Variants in KBTBD4 observed in about 807,000 individuals in gnomAD.
KBTBD4 encodes the protein kelch repeat and BTB domain-containing protein 4.
In KBTBD4, 30 loss-of-function variants were observed where a neutral mutation model predicts 43.9. The observed-to-expected ratio is 0.68, with a 90% CI of 0.51 to 0.93. KBTBD4 has a LOEUF of 0.93. KBTBD4 is among the 40% of genes least tolerant of loss of function. The probability of loss-of-function intolerance (pLI) is 0.00; values close to 1 mark genes in which losing one functional copy is unlikely to be tolerated. For synonymous variants in KBTBD4, 258 were observed against 256.9 expected, an observed-to-expected ratio of 1.00 and a Z score of -0.04; for missense variants, 575 against 668.8, an observed-to-expected ratio of 0.86 and a Z score of 1.55.
Position 47,572,639 on chromosome 11 carries a change from C to T in KBTBD4, c.*291G>A. ...ACATTGATCAGGTAAAGAGGAGAGG[C>T]TGTGCCTAAGGTCTGAGAAAAGGCT... On this transcript the variant is annotated 3_prime_UTR_variant, in exon 4 of 4. Coordinates refer to ENST00000430070, the MANE Select transcript of KBTBD4 (RefSeq NM_018095.6). 7.0e-6 allele frequency: 3 copies of T among 429,708 alleles called. No homozygotes were observed. The highest frequency in any genetic ancestry group is 1.3e-5 in the Non-Finnish European group (3 of 239,086). 26.6% of individuals were successfully genotyped at this position (429,708 alleles called of 1,614,324 possible). A position where few individuals can be genotyped will look rare whatever the true frequency, so the allele number is the denominator to read the frequency against.
Position 47,573,654 on chromosome 11 carries a change from G to A in KBTBD4, c.881C>T (p.Thr294Ile), listed in dbSNP as rs1307178986. The A allele has an allele frequency of 1.2e-6, 2 of 1,613,626 alleles. No homozygotes were observed. Among genetic ancestry groups the A allele is most frequent in the Non-Finnish European group, 1.7e-6 (2 of 1,180,046 alleles). Residue 294 changes from threonine (T) to isoleucine (I), a missense_variant, in exon 4 of 4, where the codon ACT (threonine) becomes ATT (isoleucine). Transcript: ENST00000430070. This position sits in a 1 kb window ranked among gnomAD's most constrained non-coding sequence, Gnocchi z 4.1. ...GTCTCCACCATGCTTGCAGGCCGCA[G>A]TGATCTGGTGGCACAAACTGTTTTG... The part of the protein sequence containing the change: ...SGQNSLCHQI[T>I]AACKHGGDLY...
At chr11:47,575,428 A>C (rs2097257260) in intron 3 of KBTBD4, 165 bp downstream of exon 3, 208 of 465,384 alleles carry the variant, frequency 4.5e-4, no homozygotes, top group Middle Eastern at 1.9e-3. Flanking sequence ...AATGGTGTGA[A>C]CCCGGGAGGC....
Position 47,577,649 on chromosome 11 carries a change from T to A in KBTBD4, c.399A>T (p.Glu133Asp). 1 of 1,614,114 alleles carries A rather than the reference T, an allele frequency of 6.2e-7. No homozygotes were observed. The highest frequency in any genetic ancestry group is 8.5e-7 in the Non-Finnish European group (1 of 1,180,014). The change falls in exon 2 of 4, where the codon GAA (glutamate) becomes GAT (aspartate). Residue 133 changes from glutamate to aspartate, a missense_variant. Transcript: ENST00000430070. ...GATACATGTCTGACACCTCATAAAT[T>A]TCCTGCAACTCCTCAGCTCGAAGTT... is the stretch of plus-strand genomic sequence containing the variant. ...TVKLRAEELQ[E>D]IYEVSDMYQL... is the part of the protein sequence containing the mutation.
rs1042869509 is a variant in KBTBD4 at position 47,577,406 on chromosome 11, C to T, written c.637+5G>A. ...GGGTATGGTGTGTCCCCTCCCTAAA[C>T]TTACCCGAGATGATATCTGTGAGTA... On this transcript the variant is annotated splice_donor_5th_base_variant and intron_variant, in intron 2 of 3. Transcript: ENST00000430070. 2.5e-6 allele frequency: 4 copies of T among 1,594,482 alleles called. No homozygotes were observed. Among genetic ancestry groups the T allele is most frequent in the Admixed American group, 3.4e-5 (2 of 59,242 alleles).
At chr11:47,578,080 G>C in intron 1 of KBTBD4, 52 bp from the exon 2 acceptor site, 1 of 1,599,912 alleles carries the variant, frequency 6.3e-7, no homozygotes. Flanking sequence ...GCCATAGTCT[G>C]TGAATCCAAC....
chr11:47,574,928 G>C (rs532524653), intron 3 of KBTBD4, among the ~76,000 whole-genome samples: 1 of 152,028 alleles, frequency 6.6e-6, no homozygotes, highest in East Asian at 1.9e-4. Flanking sequence ...AAAGAGGCCA[G>C]GTTAGGCCAG....
At position 47,573,434 on chromosome 11, in the gene KBTBD4, A is replaced by G; in HGVS notation, c.1101T>C (p.Tyr367=). The change falls in exon 4 of 4, where the codon TAT becomes TAC. Residue 367 remains tyrosine, a synonymous_variant. Coordinates refer to ENST00000430070, the MANE Select transcript of KBTBD4 (RefSeq NM_018095.6). This position sits in a 1 kb window ranked among gnomAD's most constrained non-coding sequence, Gnocchi z 4.1. ...QDTLSNAVIY[Y]RVGDNVWTET... ...CTGTCCACACATTATCACCTACGCG[A>G]TAATAAATGACTGCGTTGGAGAGGG... 6.2e-7 allele frequency: 1 copy of G among 1,614,178 alleles called. No individual in the cohort carries two copies. Among genetic ancestry groups the G allele is most frequent in the Non-Finnish European group, 8.5e-7 (1 of 1,180,028 alleles).
At position 47,575,693 on chromosome 11, in the gene KBTBD4, A is replaced by G. The variant is rs999796422; in HGVS notation, c.644T>C (p.Val215Ala). 1.9e-6 allele frequency: 3 copies of G among 1,600,738 alleles called. No individual in the cohort carries two copies. The highest frequency in any genetic ancestry group is 1.3e-5 in the African/African-American group (1 of 74,118). Reference sequence around the variant, plus strand: ...CTCTGTTGGGTTCTGAGAACACGGAACTCCATCTGTGAGAGCCAGAGGAAA... The same window carrying G: ...CTCTGTTGGGTTCTGAGAACACGGAGCTCCATCTGTGAGAGCCAGAGGAAA... The part of the protein sequence containing the change: ...RLLTDIISDG[V>A]PCSQNPTEAI... The change falls in exon 3 of 4, where the codon GTT becomes GCT. Residue 215 changes from valine (V) to alanine (A), a missense_variant. Transcript: ENST00000430070.
rs1232021421 is a variant in KBTBD4 at position 47,577,254 on chromosome 11, C to T, written c.637+157G>A. Reference sequence around the variant, plus strand: ...CTGACAGCAATTACACTGAATCTCACCTCAATCTTTCTCAGCAGGTTATCT... The same window carrying T: ...CTGACAGCAATTACACTGAATCTCATCTCAATCTTTCTCAGCAGGTTATCT... On this transcript the variant is annotated intron_variant, in intron 2 of 3. Transcript: ENST00000430070. The T allele has an allele frequency of 5.2e-6, 4 of 768,406 alleles. No homozygotes were observed. The Middle Eastern group carries it at 1.1e-3, about 212-fold the overall frequency. The allele number at this position is 768,406 out of a possible 1,614,324, so 47.6% of individuals were successfully genotyped here. A position where few individuals can be genotyped will look rare whatever the true frequency, so the allele number is the denominator to read the frequency against.
At position 47,578,001 on chromosome 11, in the gene KBTBD4, C is replaced by T. The variant is rs772029487; in HGVS notation, c.47G>A (p.Ser16Asn). 1 of 1,614,212 alleles carries T rather than the reference C, an allele frequency of 6.2e-7. No individual in the cohort carries two copies. Among genetic ancestry groups the T allele is most frequent in the Admixed American group, 1.7e-5 (1 of 60,022 alleles). ...TCCAGGCTCCTCTGGTGATTCCATG[C>T]TAGCCAACTTCTCTCTCTGCCAGCT... ...ADSWQREKLA[S>N]MESPEEPGAS... is the part of the protein sequence containing the mutation. Residue 16 changes from serine to asparagine, a missense_variant, in exon 2 of 4, where the codon AGC becomes AAC. Ser to Asn is a conservative substitution (Grantham distance 46). Transcript: ENST00000430070.
rs190805562 is a variant in KBTBD4 at position 47,572,558 on chromosome 11, A to G, written c.*372T>C. ...CTAGCCATTTCACAGGCTATAGAACAAAAGTACAATTGGGCATCTTTCCTT... is the reference window on the plus strand; with the variant it reads ...CTAGCCATTTCACAGGCTATAGAACGAAAGTACAATTGGGCATCTTTCCTT... On this transcript the variant is annotated 3_prime_UTR_variant, in exon 4 of 4. Transcript: ENST00000430070. 5 of 211,542 alleles carry G rather than the reference A, an allele frequency of 2.4e-5. No homozygotes were observed. The highest frequency in any genetic ancestry group is 4.8e-5 in the Non-Finnish European group (5 of 105,144). The allele number at this position is 211,542 out of a possible 1,614,324, so 13.1% of individuals were successfully genotyped here.
chr11:47,578,358 C>A, intron 1 of KBTBD4: 1 of 566,592 alleles, frequency 1.8e-6, no homozygotes, highest in Non-Finnish European at 3.1e-6. Flanking sequence ...CTGGGAGAGG[C>A]CTGTGATCGT....
intron 3 of KBTBD4, among the ~76,000 whole-genome samples, chr11:47,574,779 A>C (rs558342895): frequency 3.3e-5 from 5 of 151,890 alleles, no homozygotes; most frequent in African/African-American, 4.8e-5. Flanking sequence ...GCTTGAACCC[A>C]GGAGGTAGAG....
At position 47,578,937 on chromosome 11, in the gene KBTBD4, G is replaced by A; in HGVS notation, c.15C>T (p.Asn5=). The A allele has an allele frequency of 6.4e-7, 1 of 1,551,756 alleles. No homozygotes were observed. Among genetic ancestry groups the A allele is most frequent in the Non-Finnish European group, 8.7e-7 (1 of 1,147,010 alleles). ...CTGCCTGTCTCGCTTTCTCACCTGCGTTCCCTCCTTTCATCCCGGAGCCCG... is the reference window on the plus strand; with the variant it reads ...CTGCCTGTCTCGCTTTCTCACCTGCATTCCCTCCTTTCATCCCGGAGCCCG... MKGG[N]ADSWQREKLA... Residue 5 remains asparagine, a synonymous_variant, in exon 1 of 4, where the codon AAC becomes AAT. Transcript: ENST00000430070.
intron 2 of KBTBD4, among the ~76,000 whole-genome samples, chr11:47,576,287 C>T (rs1260173704): frequency 6.6e-6 from 1 of 150,464 alleles, no homozygotes; most frequent in African/African-American, 2.5e-5. Flanking sequence ...CTGCCTCAGC[C>T]TCCCGAGTAG....
rs778920724 is a variant in KBTBD4, at chr11:47,577,747, C to G, written c.301G>C (p.Val101Leu). The change falls in exon 2 of 4, where the codon GTG becomes CTG. Residue 101 changes from valine to leucine, a missense_variant. Val to Leu is a conservative substitution (Grantham distance 32, BLOSUM62 1). Coordinates refer to ENST00000430070, the MANE Select transcript of KBTBD4 (RefSeq NM_018095.6). ...TCGCTGACATCCTGCAGCACAATCA[C>G]CCGGTTGTGGGCCTCCTTCAGGTTG... Reference protein sequence around the residue: ...TSNLKEAHNRVIVLQDVSESV... With the variant: ...TSNLKEAHNRLIVLQDVSESV... 88 of 1,614,066 alleles carry G rather than the reference C, an allele frequency of 5.5e-5. No homozygotes were observed. Among genetic ancestry groups the G allele is most frequent in the Non-Finnish European group, 7.3e-5 (86 of 1,180,048 alleles).
chr11:47,575,756 T>G (rs1454809840), intron 2 of KBTBD4, 57 bp from the exon 3 acceptor site: 1 of 1,161,204 alleles, frequency 8.6e-7, no homozygotes, highest in Non-Finnish European at 1.3e-6. Context: ...AAATTCAGAG[T>G]AAGGGACTTT....
Position 47,573,989 on chromosome 11 carries a change from C to A in KBTBD4, c.745-199G>T, listed in dbSNP as rs1720151951. ...TGCCGGGCGGAGAATCTGTTGTATT[C>A]ATCCTTGTAGCTTTTAAAAAACTCT... On this transcript the variant is annotated intron_variant, in intron 3 of 3. Transcript: ENST00000430070. The surrounding 1 kb of genome is among the most constrained non-coding windows in gnomAD (Gnocchi z 4.1). 6.6e-6 allele frequency among the ~76,000 whole-genome samples: 1 copy of A among 152,112 alleles called. No individual in the cohort carries two copies. Among genetic ancestry groups the A allele is most frequent in the Non-Finnish European group, 1.5e-5 (1 of 68,014 alleles).
chr11:47,574,870 G>C (rs2097256218), intron 3 of KBTBD4, among the ~76,000 whole-genome samples: 1 of 42,696 alleles, frequency 2.3e-5, no homozygotes, highest in Non-Finnish European at 4.9e-5. Flanking sequence ...CTCTAGCCTG[G>C]GCAACAAGAG....
Sources: allele counts gnomAD v4.1 joint callset (sites outside exome capture counted in the v4.1 genomes callset), GRCh38; gene constraint gnomAD v4.1.1; non-coding constraint Gnocchi (gnomAD v3.1); transcripts MANE v1.5; gene names NCBI Gene and HGNC (gene_info 2026-07-23, HGNC 2026-07-21).